OR2L13: variants seen among roughly 807,000 people sequenced by gnomAD.
OR2L13 encodes the protein olfactory receptor family 2 subfamily L member 13.
In OR2L13, 14 loss-of-function variants were observed where a neutral mutation model predicts 15.3. The observed-to-expected ratio is 0.91, with a 90% CI of 0.60 to 1.43. OR2L13 has a LOEUF of 1.43. Among genes scored for constraint, OR2L13 ranks in the 40% most tolerant of loss-of-function variants. The pLI, the probability that OR2L13 is intolerant of heterozygous loss-of-function variation, is 0.00. For missense variants in OR2L13, 367 were observed against 387.9 expected, an observed-to-expected ratio of 0.95 and a Z score of 0.45; for synonymous variants, 152 against 142.9, an observed-to-expected ratio of 1.06 and a Z score of -0.45.
the OR2L13 span, among the ~76,000 whole-genome samples, chr1:248,075,565 T>C: frequency 1.3e-5 from 2 of 152,246 alleles, no homozygotes; most frequent in South Asian, 4.1e-4. Flanking sequence ...TGAGATGGTA[T>C]CTCATTGTGG....
chr1:247,980,585 C>T, the OR2L13 span, among the ~76,000 whole-genome samples: 1 of 152,162 alleles, frequency 6.6e-6, no homozygotes, highest in African/African-American at 2.4e-5. Context: ...TGACTTGAAA[C>T]ATCTAAATAC....
At chr1:247,974,760 A>G in the OR2L13 span, 1 of 233,584 alleles carries the variant, frequency 4.3e-6, no homozygotes, top group Non-Finnish European at 9.8e-6. Flanking sequence ...ATACAATCAA[A>G]CATCAACTGA....
chr1:247,998,105 A>G, the OR2L13 span, among the ~76,000 whole-genome samples: 1 of 152,166 alleles, frequency 6.6e-6, no homozygotes, highest in African/African-American at 2.4e-5. Flanking sequence ...ATTGTATTTT[A>G]AAATTTTTAT....
At chr1:247,981,884 C>T in the OR2L13 span, among the ~76,000 whole-genome samples, 2 of 151,274 alleles carry the variant, frequency 1.3e-5, no homozygotes, top group Non-Finnish European at 2.9e-5. Context: ...GGTGTGATCT[C>T]AGCTCACAGC....
the OR2L13 span, among the ~76,000 whole-genome samples, chr1:248,030,872 A>G: frequency 6.6e-6 from 1 of 152,172 alleles, no homozygotes; most frequent in Non-Finnish European, 1.5e-5. Flanking sequence ...GTATCATTCC[A>G]TTCATGTAGG....
the OR2L13 span, chr1:247,975,030 G>A: frequency 3.1e-6 from 1 of 319,620 alleles, no homozygotes; most frequent in Non-Finnish European, 6.3e-6. Context: ...ATTGGGTGTG[G>A]AATTCAGAGT....
At chr1:248,098,663 A>T (rs571610990) in exon 2 of OR2L13, 8 of 152,358 alleles carry the variant, frequency 5.3e-5, no homozygotes, top group African/African-American at 1.9e-4. Context: ...AAAGTTGAAA[A>T]ATCAGTAACC....
At chr1:247,976,984 G>A in the OR2L13 span, among the ~76,000 whole-genome samples, 1 of 152,312 alleles carries the variant, frequency 6.6e-6, no homozygotes, top group Admixed American at 6.5e-5. Context: ...ATCTACATGA[G>A]GAAGCATGTT....
the OR2L13 span, among the ~76,000 whole-genome samples, chr1:247,994,420 T>C: frequency 6.6e-6 from 1 of 151,920 alleles, no homozygotes; most frequent in Non-Finnish European, 1.5e-5. Context: ...CAAAAAGAAC[T>C]GGGAGTGATT....
chr1:248,032,071 A>G, the OR2L13 span, among the ~76,000 whole-genome samples: 1 of 152,182 alleles, frequency 6.6e-6, no homozygotes, highest in Admixed American at 6.5e-5. Flanking sequence ...CTACTAATAT[A>G]AATTCAAACT....
chr1:248,024,441 T>C, the OR2L13 span, among the ~76,000 whole-genome samples: 8 of 152,222 alleles, frequency 5.3e-5, no homozygotes, highest in Non-Finnish European at 1.0e-4. Flanking sequence ...AACTACATTT[T>C]GTCTTTACTT....
the OR2L13 span, chr1:247,966,469 G>C: frequency 1.1e-6 from 1 of 905,058 alleles, no homozygotes; most frequent in African/African-American, 1.7e-5. Flanking sequence ...ATAGAATTCA[G>C]GCTTCTTAAA....
the OR2L13 span, among the ~76,000 whole-genome samples, chr1:248,079,805 T>C: frequency 6.6e-6 from 1 of 152,198 alleles, no homozygotes; most frequent in African/African-American, 2.4e-5. Context: ...CTTTATGACT[T>C]GGATTAGGCC....
chr1:247,938,158 G>T, the OR2L13 span, among the ~76,000 whole-genome samples: 1 of 151,958 alleles, frequency 6.6e-6, no homozygotes, highest in Non-Finnish European at 1.5e-5. Flanking sequence ...TGACAATTGA[G>T]TTTTTTTACT....
chr1:247,987,258 C>T, the OR2L13 span, among the ~76,000 whole-genome samples: 1 of 152,184 alleles, frequency 6.6e-6, no homozygotes, highest in African/African-American at 2.4e-5. Flanking sequence ...TTATTTGTAA[C>T]AGTTTTTAGT....
chr1:248,070,849 T>G, the OR2L13 span, among the ~76,000 whole-genome samples: 1 of 152,028 alleles, frequency 6.6e-6, no homozygotes, highest in African/African-American at 2.4e-5. Context: ...TGCAAACACC[T>G]CCACGCAAAT....
the OR2L13 span, among the ~76,000 whole-genome samples, chr1:247,964,890 T>A: frequency 6.7e-6 from 1 of 148,576 alleles, no homozygotes; most frequent in African/African-American, 2.5e-5. Context: ...CATATATTTT[T>A]ATATAATATT....
chr1:248,061,802 C>A, the OR2L13 span: 2 of 456,972 alleles, frequency 4.4e-6, no homozygotes, highest in Non-Finnish European at 3.7e-6. Context: ...TCCAAACAAC[C>A]TTTTTTCTTC....
the OR2L13 span, among the ~76,000 whole-genome samples, chr1:247,973,042 T>C: frequency 6.6e-6 from 1 of 152,196 alleles, no homozygotes; most frequent in Non-Finnish European, 1.5e-5. Context: ...ATTATCTTGA[T>C]AGATGCAGGA....
Sources: gnomAD v4.1 joint callset for allele counts (sites outside exome capture counted in the v4.1 genomes callset) on GRCh38, gnomAD v4.1.1 for gene constraint, MANE v1.5 for transcripts, NCBI Gene and HGNC (gene_info 2026-07-23, HGNC 2026-07-21) for gene names.